PFDN1: variants seen among roughly 807,000 people sequenced by gnomAD.
PFDN1 encodes the protein prefoldin subunit 1, also known as prefoldin 1.
PFDN1 carries 6 observed loss-of-function variants against 17.3 expected under a neutral mutation model. The ratio of observed to expected loss-of-function variants is 0.35; its 90% CI spans 0.19 to 0.69. The LOEUF (loss-of-function observed/expected upper bound fraction) is 0.69, where lower values mean the gene tolerates loss of function less well. PFDN1 is among the 30% of genes least tolerant of loss of function. The pLI is 0.65. For synonymous variants in PFDN1, 58 were observed against 50.1 expected (o/e 1.16, Z -0.67); for missense variants, 113 against 146.2 (o/e 0.77, Z 1.17).
At chr5:140,292,882 TA>T (rs1561517628) in intron 2 of PFDN1, 1 of 152,136 alleles carries the variant, frequency 6.6e-6, no homozygotes, top group African/African-American at 2.4e-5. Context: ...CGTGTTCATA[TA>T]TATGAACTGA....
chr5:140,303,065 G>C lies in PFDN1; in HGVS notation c.9C>G (p.Ala3=). The change falls in exon 1 of 4, where the codon GCC becomes GCG. Residue 3 remains alanine (A), a synonymous_variant. Transcript: ENST00000261813. MA[A]PVDLELKKAF... ...CCTTCTTCAGCTCTAGATCCACGGG[G>C]GCGGCCATCTTGGTGCACTGTAAGC... The C allele has an allele frequency of 6.2e-7, 1 of 1,613,056 alleles. No individual in the cohort carries two copies. The highest frequency in any genetic ancestry group is 8.5e-7 in the Non-Finnish European group (1 of 1,178,976).
chr5:140,248,606 G>C (rs1327472031), intron 3 of PFDN1, among the ~76,000 whole-genome samples: 1 of 152,190 alleles, frequency 6.6e-6, no homozygotes, highest in African/African-American at 2.4e-5. Flanking sequence ...CTGGTCTGTT[G>C]CATTCAATCT....
intron 3 of PFDN1, among the ~76,000 whole-genome samples, chr5:140,267,544 C>G (rs1765150015): frequency 1.3e-5 from 2 of 152,172 alleles, no homozygotes; most frequent in African/African-American, 4.8e-5. Flanking sequence ...GCACTTTAAA[C>G]AAAAAATCCA....
At chr5:140,285,795 A>C (rs1162509074) in intron 2 of PFDN1, among the ~76,000 whole-genome samples, 1 of 152,086 alleles carries the variant, frequency 6.6e-6, no homozygotes, top group Non-Finnish European at 1.5e-5. Context: ...AATCCTGGAG[A>C]CCTTAAGTAT....
At chr5:140,283,222 T>C (rs771112173) in intron 2 of PFDN1, among the ~76,000 whole-genome samples, 9 of 152,210 alleles carry the variant, frequency 5.9e-5, no homozygotes, top group Non-Finnish European at 1.0e-4. Flanking sequence ...TATATCCTAA[T>C]GCGGCCAGCC....
intron 3 of PFDN1, among the ~76,000 whole-genome samples, chr5:140,276,779 T>TCAAAAAAAAA (rs1765300787): frequency 4.0e-5 from 1 of 24,730 alleles, no homozygotes; most frequent in Non-Finnish European, 6.7e-5. Flanking sequence ...AGACACCGTC[T>TCAAAAAAAAA]CAAAAAAAAA....
At position 140,254,438 on chromosome 5, in the gene PFDN1, G is replaced by A. The variant is rs1764957934; in HGVS notation, c.286-8381C>T. 6.6e-6 allele frequency among the ~76,000 whole-genome samples: 1 copy of A among 152,088 alleles called. No individual in the cohort carries two copies. Reference sequence around the variant, plus strand: ...ATAAACCCTGGTCCTTGAAGTTCATGGCATCATGCTTAGCCACCGGACTCC... The same window carrying A: ...ATAAACCCTGGTCCTTGAAGTTCATAGCATCATGCTTAGCCACCGGACTCC... On this transcript the variant is annotated intron_variant, in intron 3 of 3. Coordinates refer to ENST00000261813, the MANE Select transcript of PFDN1 (RefSeq NM_002622.5). The surrounding 1 kb of genome is among the most constrained non-coding windows in gnomAD (Gnocchi z 4.4).
At chr5:140,285,158 T>C (rs1765466770) in intron 2 of PFDN1, among the ~76,000 whole-genome samples, 1 of 152,154 alleles carries the variant, frequency 6.6e-6, no homozygotes, top group South Asian at 2.1e-4. Context: ...GGGAAATTTT[T>C]AGAGGGTGTC....
intron 3 of PFDN1, among the ~76,000 whole-genome samples, chr5:140,256,184 A>G (rs1345862533): frequency 6.6e-6 from 1 of 151,522 alleles, no homozygotes; most frequent in Non-Finnish European, 1.5e-5. Context: ...CTGTCCTGGA[A>G]CTCCTCCTCT....
Position 140,303,052 on chromosome 5 carries a change from C to T in PFDN1, c.22G>A (p.Glu8Lys). The change falls in exon 1 of 4, where the codon GAG (glutamate) becomes AAG (lysine). Residue 8 changes from glutamate to lysine, a missense_variant. Coordinates refer to ENST00000261813, the MANE Select transcript of PFDN1 (RefSeq NM_002622.5). The part of the protein sequence containing the change: MAAPVDL[E>K]LKKAFTELQA... ...AGACCCTCTTTTACCTTCTTCAGCT[C>T]TAGATCCACGGGGGCGGCCATCTTG... 1.2e-6 allele frequency: 2 copies of T among 1,612,700 alleles called. No homozygotes were observed. Among genetic ancestry groups the T allele is most frequent in the Non-Finnish European group, 1.7e-6 (2 of 1,178,628 alleles).
At chr5:140,296,855 G>A (rs1051224671) in intron 2 of PFDN1, among the ~76,000 whole-genome samples, 1 of 152,164 alleles carries the variant, frequency 6.6e-6, no homozygotes, top group Non-Finnish European at 1.5e-5. Flanking sequence ...AAATATACAT[G>A]CTATCCTAAC....
intron 3 of PFDN1, chr5:140,273,943 CA>C (rs1247577251): frequency 7.7e-5 from 74 of 966,132 alleles, no homozygotes; most frequent in South Asian, 9.6e-5. Context: ...CCACCTGGAA[CA>C]AAAAAAACAT....
intron 2 of PFDN1, among the ~76,000 whole-genome samples, chr5:140,285,601 A>G (rs1295484890): frequency 6.6e-6 from 1 of 152,142 alleles, no homozygotes; most frequent in South Asian, 2.1e-4. Context: ...TGTTATTGGC[A>G]TAATGAAGAG....
intron 1 of PFDN1, among the ~76,000 whole-genome samples, chr5:140,301,141 G>T (rs1375753473): frequency 6.6e-6 from 1 of 152,182 alleles, no homozygotes; most frequent in African/African-American, 2.4e-5. Flanking sequence ...GCTTGCACAA[G>T]GTTGAACAAC....
chr5:140,273,659 T>G (rs932500903), intron 3 of PFDN1, among the ~76,000 whole-genome samples: 3 of 144,260 alleles, frequency 2.1e-5, no homozygotes, highest in Non-Finnish European at 3.0e-5. Flanking sequence ...ACTTTAACAG[T>G]TTTTTTTTTT....
Position 140,245,932 on chromosome 5 carries a change from G to A in PFDN1, c.*42C>T, listed in dbSNP as rs374519129. The A allele has an allele frequency of 3.3e-5, 37 of 1,136,476 alleles. No homozygotes were observed. The African/African-American group carries it at 5.5e-4, about 17-fold the overall frequency. 70.4% of individuals were successfully genotyped at this position (1,136,476 alleles called of 1,614,324 possible). On this transcript the variant is annotated 3_prime_UTR_variant, in exon 4 of 4. Transcript: ENST00000261813. Reference sequence around the variant, plus strand: ...TGCAGACACTCCTCTGCCCCCACCAGGAATGGGAGGGGCAGGAGGAAGAGC... The same window carrying A: ...TGCAGACACTCCTCTGCCCCCACCAAGAATGGGAGGGGCAGGAGGAAGAGC...
chr5:140,277,424 G>A (rs1423249594), intron 3 of PFDN1, among the ~76,000 whole-genome samples: 14 of 151,852 alleles, frequency 9.2e-5, no homozygotes, highest in Admixed American at 9.2e-4. Flanking sequence ...CCAGTTCAAA[G>A]GTGGGGAAAA....
At chr5:140,280,145 C>T (rs534818267) in intron 3 of PFDN1, among the ~76,000 whole-genome samples, 2 of 151,552 alleles carry the variant, frequency 1.3e-5, no homozygotes, top group Non-Finnish European at 2.9e-5. Flanking sequence ...CTTCAATATT[C>T]ATACACAAAT....
intron 3 of PFDN1, among the ~76,000 whole-genome samples, chr5:140,246,319 C>A (rs1040162975): frequency 6.6e-6 from 1 of 152,170 alleles, no homozygotes; most frequent in Non-Finnish European, 1.5e-5. Flanking sequence ...ACTCTTCCCC[C>A]AGAAGGAAGA....
Sources: gnomAD v4.1 joint callset for allele counts (sites outside exome capture counted in the v4.1 genomes callset) on GRCh38, gnomAD v4.1.1 for gene constraint, Gnocchi (gnomAD v3.1) non-coding constraint, MANE v1.5 for transcripts, NCBI Gene and HGNC (gene_info 2026-07-23, HGNC 2026-07-21) for gene names.